Variants in XNDC1N observed in about 807,000 individuals in gnomAD.
The protein encoded by XNDC1N is XRCC1 N-terminal domain containing 1, N-terminal like.
chr11:71,883,089 A>G, the XNDC1N span, among the ~76,000 whole-genome samples: 6 of 152,228 alleles, frequency 3.9e-5, no homozygotes, highest in African/African-American at 1.4e-4. Flanking sequence ...GAAAGAAATT[A>G]AAGAAGACAC....
the XNDC1N span, among the ~76,000 whole-genome samples, chr11:71,874,257 T>C: frequency 1.3e-5 from 2 of 152,068 alleles, no homozygotes; most frequent in South Asian, 4.1e-4. Flanking sequence ...GAAGCAGAGG[T>C]TGCAGTGAGC....
the XNDC1N span, among the ~76,000 whole-genome samples, chr11:71,875,412 C>A: frequency 1.9e-4 from 29 of 151,570 alleles, no homozygotes; most frequent in Admixed American, 7.9e-4. Context: ...ATTTAGGAAT[C>A]AATAAAAATA....
chr11:71,928,094 A>T, the XNDC1N span: 2 of 242,870 alleles, frequency 8.2e-6, no homozygotes, highest in African/African-American at 4.6e-5. Flanking sequence ...TGGTGTATAA[A>T]AAGGAGGGTA....
chr11:71,888,840 T>C, the XNDC1N span, among the ~76,000 whole-genome samples: 18 of 152,312 alleles, frequency 1.2e-4, no homozygotes, highest in South Asian at 8.3e-4. Flanking sequence ...CGTATAACCA[T>C]TGAAGTTTGT....
At chr11:71,895,460 C>A in the XNDC1N span, among the ~76,000 whole-genome samples, 1 of 149,208 alleles carries the variant, frequency 6.7e-6, no homozygotes, top group African/African-American at 2.5e-5. Context: ...CAGGCATGCG[C>A]TACCATGCCT....
At chr11:71,866,912 A>G in the XNDC1N span, among the ~76,000 whole-genome samples, 15 of 152,362 alleles carry the variant, frequency 9.8e-5, no homozygotes, top group Admixed American at 8.5e-4. Flanking sequence ...TTTCCAAATA[A>G]ATGGCAAGTC....
chr11:71,894,790 C>T, the XNDC1N span, among the ~76,000 whole-genome samples: 1 of 152,162 alleles, frequency 6.6e-6, no homozygotes, highest in African/African-American at 2.4e-5. Flanking sequence ...ATTGGTTGTT[C>T]AAAGTTATGT....
chr11:71,920,043 C>T, the XNDC1N span, among the ~76,000 whole-genome samples: 1 of 141,326 alleles, frequency 7.1e-6, no homozygotes, highest in Non-Finnish European at 1.5e-5. Flanking sequence ...CCGAAAGCTC[C>T]GCCTCCCGGG....
chr11:71,892,147 G>A, the XNDC1N span, among the ~76,000 whole-genome samples: 6 of 151,974 alleles, frequency 3.9e-5, no homozygotes, highest in African/African-American at 1.2e-4. Context: ...ACTGTGACAT[G>A]AGGAGTAATA....
the XNDC1N span, among the ~76,000 whole-genome samples, chr11:71,909,621 T>C: frequency 9.2e-5 from 14 of 152,328 alleles, no homozygotes; most frequent in African/African-American, 3.1e-4. Context: ...TTCTTGTAGA[T>C]AGCGGTGCTG....
chr11:71,891,866 C>G, the XNDC1N span, among the ~76,000 whole-genome samples: 2 of 148,440 alleles, frequency 1.3e-5, no homozygotes, highest in Non-Finnish European at 3.0e-5. Flanking sequence ...CCATTTGGAA[C>G]AATATCACAG....
the XNDC1N span, chr11:71,903,616 G>A: frequency 1.7e-6 from 1 of 588,232 alleles, no homozygotes; most frequent in East Asian, 3.1e-5. Context: ...GTGTTTCTGT[G>A]GCTTCCTAGA....
chr11:71,908,904 G>C, the XNDC1N span, among the ~76,000 whole-genome samples: 1 of 152,170 alleles, frequency 6.6e-6, no homozygotes, highest in Non-Finnish European at 1.5e-5. Context: ...ACATGAAAGA[G>C]GGGATATGCA....
At chr11:71,898,698 C>T in the XNDC1N span, among the ~76,000 whole-genome samples, 1 of 152,120 alleles carries the variant, frequency 6.6e-6, no homozygotes. Flanking sequence ...AGAAAGGTGG[C>T]CCCCAGGGGT....
At chr11:71,880,311 G>T in the XNDC1N span, among the ~76,000 whole-genome samples, 1 of 152,108 alleles carries the variant, frequency 6.6e-6, no homozygotes, top group Non-Finnish European at 1.5e-5. Context: ...GCATATGGTT[G>T]TTTATAACAG....
At chr11:71,922,292 T>TTTTG in the XNDC1N span, among the ~76,000 whole-genome samples, 3,780 of 152,142 alleles carry the variant, frequency 0.025, 142 homozygotes, top group African/African-American at 0.085. Context: ...CTAAGGGTTT[T>TTTTG]TTTGTTTGTT....
At chr11:71,898,840 A>G in the XNDC1N span, among the ~76,000 whole-genome samples, 1 of 152,148 alleles carries the variant, frequency 6.6e-6, no homozygotes, top group Admixed American at 6.5e-5. Context: ...GAAACTGTAA[A>G]CTGAAAAAGC....
chr11:71,906,775 A>G, the XNDC1N span, among the ~76,000 whole-genome samples: 11 of 152,308 alleles, frequency 7.2e-5, no homozygotes, highest in Non-Finnish European at 1.2e-4. Context: ...TAGGAGTCAC[A>G]TCCCAAAAAA....
At chr11:71,924,252 G>A in the XNDC1N span, among the ~76,000 whole-genome samples, 1 of 152,058 alleles carries the variant, frequency 6.6e-6, no homozygotes, top group Non-Finnish European at 1.5e-5. Flanking sequence ...GGTGGCGTGT[G>A]CCTGTGGTCC....
Sources: gnomAD v4.1 joint callset for allele counts (sites outside exome capture counted in the v4.1 genomes callset) on GRCh38, gnomAD v4.1.1 for gene constraint, MANE v1.5 for transcripts, NCBI Gene and HGNC (gene_info 2026-07-23, HGNC 2026-07-21) for gene names.